Variants in VWC2L observed in about 807,000 individuals in gnomAD.
VWC2L encodes von Willebrand factor C domain containing 2 like.
In VWC2L, 10 loss-of-function variants were observed where a neutral mutation model predicts 21.6. The ratio of observed to expected loss-of-function variants is 0.46; its 90% CI spans 0.29 to 0.78. The LOEUF (loss-of-function observed/expected upper bound fraction) is 0.78, where lower values mean the gene tolerates loss of function less well. Ranked by LOEUF, VWC2L falls within the 30% of genes least tolerant of loss-of-function variation. The pLI is 0.10. For synonymous variants in VWC2L, 96 were observed against 94.3 expected (o/e 1.02, Z -0.10); for missense variants, 209 against 277.1 (o/e 0.75, Z 1.74).
chr2:214,428,600 C>T (rs1702558088), intron 2 of VWC2L, among the ~76,000 whole-genome samples: 1 of 152,052 alleles, frequency 6.6e-6, no homozygotes, highest in Non-Finnish European at 1.5e-5. Flanking sequence ...ATGAGATAAG[C>T]TATGAACTAA....
intron 3 of VWC2L, among the ~76,000 whole-genome samples, chr2:214,502,566 C>T (rs900166105): frequency 2.9e-5 from 4 of 136,404 alleles, no homozygotes; most frequent in African/African-American, 1.0e-4. Context: ...CGAGACTCCA[C>T]GTCAAAAACA....
intron 3 of VWC2L, among the ~76,000 whole-genome samples, chr2:214,575,158 G>T (rs994514434): frequency 3.3e-5 from 5 of 151,368 alleles, no homozygotes; most frequent in African/African-American, 1.2e-4. Flanking sequence ...ATTATTCATT[G>T]TTATCAAGAA....
chr2:214,493,854 T>A (rs1190991259), intron 3 of VWC2L, among the ~76,000 whole-genome samples: 1 of 152,114 alleles, frequency 6.6e-6, no homozygotes, highest in East Asian at 1.9e-4. Context: ...AGAAAACAGA[T>A]AAAGAAGCAA....
chr2:214,516,050 G>A (rs1298722177), intron 3 of VWC2L, among the ~76,000 whole-genome samples: 1 of 152,120 alleles, frequency 6.6e-6, no homozygotes, highest in African/African-American at 2.4e-5. Context: ...AGGTGATGGT[G>A]TGCTGCAGCC....
chr2:214,548,854 A>C lies in VWC2L; in HGVS notation c.521-26818A>C, dbSNP rs200860112. On this transcript the variant is annotated intron_variant, in intron 3 of 3. Coordinates refer to ENST00000312504, the MANE Select transcript of VWC2L (RefSeq NM_001080500.4). Reference sequence around the variant, plus strand: ...CTAGACTGATCCTTCCTGCTTCGGCATTATCTACATGTTGATTCAAGGGGT... The same window carrying C: ...CTAGACTGATCCTTCCTGCTTCGGCCTTATCTACATGTTGATTCAAGGGGT... 3.3e-5 allele frequency among the ~76,000 whole-genome samples: 5 copies of C among 152,220 alleles called. No homozygotes were observed. The East Asian group carries it at 9.6e-4, about 29-fold the overall frequency.
chr2:214,489,284 G>A (rs1480543059), intron 3 of VWC2L, among the ~76,000 whole-genome samples: 2 of 152,176 alleles, frequency 1.3e-5, no homozygotes, highest in African/African-American at 4.8e-5. Context: ...TCCAGAAGAT[G>A]TTAAGGAGTC....
intron 3 of VWC2L, among the ~76,000 whole-genome samples, chr2:214,567,838 A>C (rs928550533): frequency 2.2e-4 from 33 of 152,286 alleles, no homozygotes; most frequent in Admixed American, 1.4e-3. Context: ...CACCTGTAAA[A>C]CAGAAAAAAT....
rs1553598698 is a variant in VWC2L, at chr2:214,520,065, A to ACACACACG, written c.521-55600_521-55599insGCACACAC. On this transcript the variant is annotated intron_variant, in intron 3 of 3. Transcript: ENST00000312504. ...GAATATTTGCTCCTGTTATACACAC[A>ACACACACG]CACACACACACACACACACACACAC... Among the ~76,000 whole-genome samples the ACACACACG allele has an allele frequency of 5.8e-3, 861 of 147,946 alleles. 9 individuals are homozygous for ACACACACG. The Middle Eastern group carries it at 0.063, about 11-fold the overall frequency.
At chr2:214,470,295 TTAGAAC>T (rs928923944) in intron 3 of VWC2L, among the ~76,000 whole-genome samples, 8 of 150,674 alleles carry the variant, frequency 5.3e-5, no homozygotes, top group African/African-American at 2.0e-4. Flanking sequence ...ATAGGAAAAA[TTAGAAC>T]TAGAACACAA....
intron 3 of VWC2L, among the ~76,000 whole-genome samples, chr2:214,471,255 A>T (rs980079835): frequency 3.9e-5 from 6 of 152,186 alleles, no homozygotes; most frequent in African/African-American, 1.4e-4. Flanking sequence ...CAGACCCCTT[A>T]CATTGCATGT....
chr2:214,495,378 C>T (rs1247570391), intron 3 of VWC2L, among the ~76,000 whole-genome samples: 1 of 152,174 alleles, frequency 6.6e-6, no homozygotes, highest in African/African-American at 2.4e-5. Flanking sequence ...AGGGATTATG[C>T]TGTCTCATCT....
At chr2:214,546,633 C>T (rs576476264) in intron 3 of VWC2L, among the ~76,000 whole-genome samples, 4 of 152,042 alleles carry the variant, frequency 2.6e-5, no homozygotes, top group East Asian at 1.9e-4. Flanking sequence ...GTTCAGGTAC[C>T]GAGAAACCTT....
intron 3 of VWC2L, among the ~76,000 whole-genome samples, chr2:214,526,683 C>T (rs1023509536): frequency 6.6e-6 from 1 of 152,170 alleles, no homozygotes; most frequent in East Asian, 1.9e-4. Context: ...AACCTAATTA[C>T]CACATGTTAG....
intron 3 of VWC2L, among the ~76,000 whole-genome samples, chr2:214,570,513 A>G (rs1441472364): frequency 1.3e-5 from 2 of 152,026 alleles, no homozygotes; most frequent in African/African-American, 4.8e-5. Context: ...GCAGGGGTGC[A>G]CCACCATGCC....
chr2:214,430,015 G>T lies in VWC2L; in HGVS notation c.391-6614G>T, dbSNP rs182000174. 1.1e-4 allele frequency among the ~76,000 whole-genome samples: 16 copies of T among 152,116 alleles called. No individual in the cohort carries two copies. In the East Asian group the frequency reaches 3.1e-3, roughly 29 times the overall value. The stretch of plus-strand genomic sequence containing the variant: ...ATTTTTGTATTTTTAGTACAGGTGG[G>T]GTTTCACCATGTTGGCCAGGCTAGT... On this transcript the variant is annotated intron_variant, in intron 2 of 3. Transcript: ENST00000312504.
intron 3 of VWC2L, among the ~76,000 whole-genome samples, chr2:214,439,511 A>G (rs1350246612): frequency 2.0e-5 from 3 of 152,032 alleles, no homozygotes; most frequent in Admixed American, 1.3e-4. Context: ...CAGTCATAAC[A>G]TTTTCTACAT....
chr2:214,435,081 G>A (rs1559289894), intron 2 of VWC2L, among the ~76,000 whole-genome samples: 1 of 152,146 alleles, frequency 6.6e-6, no homozygotes, highest in African/African-American at 2.4e-5. Context: ...GTCTGCTTGG[G>A]AATTTTAGAT....
At chr2:214,447,272 C>T (rs1702852295) in intron 3 of VWC2L, among the ~76,000 whole-genome samples, 1 of 152,138 alleles carries the variant, frequency 6.6e-6, no homozygotes, top group African/African-American at 2.4e-5. Flanking sequence ...AATACAACTC[C>T]TCAGTCTCAG....
At chr2:214,424,354 A>C in intron 2 of VWC2L, among the ~76,000 whole-genome samples, 1 of 152,150 alleles carries the variant, frequency 6.6e-6, no homozygotes, top group East Asian at 1.9e-4. Context: ...TACTGAGACT[A>C]CTTGAGCATA....
Sources: gnomAD v4.1 joint callset for allele counts (sites outside exome capture counted in the v4.1 genomes callset) on GRCh38, gnomAD v4.1.1 for gene constraint, MANE v1.5 for transcripts, NCBI Gene and HGNC (gene_info 2026-07-23, HGNC 2026-07-21) for gene names.